ERBB4: variants seen among roughly 807,000 people sequenced by gnomAD.
ERBB4 encodes receptor tyrosine-protein kinase erbB-4.
Under a neutral mutation model 158.0 loss-of-function variants are expected in ERBB4, and 42 were observed. The ratio of observed to expected loss-of-function variants is 0.27; its 90% CI spans 0.21 to 0.34. ERBB4 has a LOEUF of 0.34. Ranked by LOEUF, ERBB4 falls within the 10% of genes least tolerant of loss-of-function variation. ERBB4 has a pLI of 1.00. For missense variants in ERBB4, 1,333 were observed against 1,624.1 expected (o/e 0.82, Z 3.08); for synonymous variants, 583 against 558.7 (o/e 1.04, Z -0.61).
At chr2:211,577,920 T>A (rs2067942104) in intron 19 of ERBB4, among the ~76,000 whole-genome samples, 1 of 152,160 alleles carries the variant, frequency 6.6e-6, no homozygotes, top group Non-Finnish European at 1.5e-5. Flanking sequence ...ATGCCCTCTC[T>A]CATCATTCCT....
At chr2:211,948,307 G>C (rs1437551107) in intron 2 of ERBB4, among the ~76,000 whole-genome samples, 2 of 151,500 alleles carry the variant, frequency 1.3e-5, no homozygotes, top group African/African-American at 4.9e-5. Flanking sequence ...GTGGTGGCAG[G>C]TGCCTGTAGT....
At chr2:211,645,696 C>A (rs921964588) in intron 16 of ERBB4, among the ~76,000 whole-genome samples, 2 of 151,696 alleles carry the variant, frequency 1.3e-5, no homozygotes, top group Admixed American at 1.3e-4. Context: ...TTGATGGAAC[C>A]TGTCTAATTT....
rs191731704 is a variant in ERBB4 at position 212,112,452 on chromosome 2, T to A, written c.234+12300A>T. On this transcript the variant is annotated intron_variant, in intron 2 of 27. Coordinates refer to ENST00000342788, the MANE Select transcript of ERBB4 (RefSeq NM_005235.3). The stretch of plus-strand genomic sequence containing the variant: ...AGTTCCGAAATTTTTATTTTATTTT[T>A]TTTTTAATGAAAACCTCCCTTCCTT... 6.0e-3 allele frequency among the ~76,000 whole-genome samples: 913 copies of A among 152,204 alleles called. 9 individuals are homozygous for A. Among genetic ancestry groups the A allele is most frequent in the African/African-American group, 0.02 (837 of 41,508 alleles).
At chr2:211,929,251 G>GTGTC (rs200794399) in intron 3 of ERBB4, among the ~76,000 whole-genome samples, 480 of 150,572 alleles carry the variant, frequency 3.2e-3, no homozygotes, top group African/African-American at 0.011. Flanking sequence ...GTGTGTGTGT[G>GTGTC]TGTGTGTGTG....
intron 1 of ERBB4, among the ~76,000 whole-genome samples, chr2:212,331,340 G>C (rs1037247257): frequency 6.6e-6 from 1 of 151,120 alleles, no homozygotes; most frequent in African/African-American, 2.4e-5. Context: ...ATATAAAACC[G>C]AGAATGTCTC....
At chr2:211,870,095 C>G (rs2078306143) in intron 3 of ERBB4, among the ~76,000 whole-genome samples, 1 of 152,106 alleles carries the variant, frequency 6.6e-6, no homozygotes, top group African/African-American at 2.4e-5. Context: ...GTCTACCACT[C>G]TTTTTATAGT....
intron 1 of ERBB4, among the ~76,000 whole-genome samples, chr2:212,271,699 T>C (rs2085350009): frequency 6.6e-6 from 1 of 151,774 alleles, no homozygotes; most frequent in African/African-American, 2.4e-5. Context: ...AGTAGACTTC[T>C]GATAAAAGCC....
At chr2:212,311,480 G>T (rs1361202583) in intron 1 of ERBB4, among the ~76,000 whole-genome samples, 1 of 150,706 alleles carries the variant, frequency 6.6e-6, no homozygotes, top group African/African-American at 2.4e-5. Context: ...GCTGTTGACT[G>T]CCCATTAAAG....
chr2:211,455,452 TTTG>T (rs2125488914), intron 20 of ERBB4, among the ~76,000 whole-genome samples: 2 of 152,278 alleles, frequency 1.3e-5, no homozygotes, highest in South Asian at 4.1e-4. Flanking sequence ...TCAGCTGCCT[TTTG>T]TTTGGTTTTA....
chr2:211,908,738 C>T (rs1374616541), intron 3 of ERBB4, among the ~76,000 whole-genome samples: 1 of 151,578 alleles, frequency 6.6e-6, no homozygotes, highest in African/African-American at 2.4e-5. Flanking sequence ...GCAAATTGTT[C>T]TCACCAATAA....
At chr2:212,166,209 G>C (rs1158774783) in intron 1 of ERBB4, among the ~76,000 whole-genome samples, 1 of 151,940 alleles carries the variant, frequency 6.6e-6, no homozygotes, top group Non-Finnish European at 1.5e-5. Flanking sequence ...GATCAGTTCT[G>C]ATCCATCTTT....
At position 211,382,989 on chromosome 2, in the gene ERBB4, A is replaced by G. The variant is rs1338247716; in HGVS notation, c.*626T>C. 4.7e-5 allele frequency: 11 copies of G among 232,262 alleles called. No homozygotes were observed. The highest frequency in any genetic ancestry group is 7.6e-5 in the Non-Finnish European group (9 of 117,808). The allele number at this position is 232,262 out of a possible 1,614,324, so 14.4% of individuals were successfully genotyped here. A position where few individuals can be genotyped will look rare whatever the true frequency, so the allele number is the denominator to read the frequency against. On this transcript the variant is annotated 3_prime_UTR_variant, in exon 28 of 28. Transcript: ENST00000342788. ...TGAAAAAAACCAAAAAGTGTTGAAA[A>G]CATAATTACTAGTTATAACTTTAAT...
At chr2:211,887,973 C>T (rs1052138598) in intron 3 of ERBB4, among the ~76,000 whole-genome samples, 4 of 152,140 alleles carry the variant, frequency 2.6e-5, no homozygotes, top group African/African-American at 9.7e-5. Context: ...TTAAATTAGG[C>T]TCTCATTAAC....
chr2:211,923,079 T>C (rs555395092), intron 3 of ERBB4, among the ~76,000 whole-genome samples: 150 of 152,254 alleles, frequency 9.9e-4, no homozygotes, highest in African/African-American at 3.3e-3. Context: ...ATTTGGATTT[T>C]TGAGTCTGAG....
intron 14 of ERBB4, among the ~76,000 whole-genome samples, chr2:211,666,084 T>C (rs1256012551): frequency 6.6e-6 from 1 of 152,206 alleles, no homozygotes; most frequent in East Asian, 1.9e-4. Context: ...TTAAAATTTG[T>C]TATGATAACA....
rs1020410161 is a variant in ERBB4, at chr2:212,538,659, C to T, written c.-129G>A. On this transcript the variant is annotated 5_prime_UTR_variant, in exon 1 of 28. Coordinates refer to ENST00000342788, the MANE Select transcript of ERBB4 (RefSeq NM_005235.3). ...GCGAGGGGGGCGGGCGCGGCGCGCG[C>T]GGTGTGGCGACTCCCAGGGCGGGCG... The T allele has an allele frequency of 6.6e-6, 6 of 911,366 alleles. No homozygotes were observed. Among genetic ancestry groups the T allele is most frequent in the Admixed American group, 2.1e-5 (1 of 47,202 alleles). 56.5% of individuals were successfully genotyped at this position (911,366 alleles called of 1,614,324 possible).
At chr2:212,219,942 TTTTATCAACCC>T (rs2083237963) in intron 1 of ERBB4, among the ~76,000 whole-genome samples, 1 of 135,350 alleles carries the variant, frequency 7.4e-6, no homozygotes, top group African/African-American at 2.7e-5. Flanking sequence ...AAAAATGTAT[TTTTATCAACCC>T]GCAAAAAAAA....
chr2:211,853,336 T>C (rs549474024), intron 3 of ERBB4, among the ~76,000 whole-genome samples: 18 of 152,166 alleles, frequency 1.2e-4, no homozygotes, highest in Admixed American at 9.2e-4. Context: ...GAATCCATTC[T>C]CTATGCATTT....
intron 1 of ERBB4, among the ~76,000 whole-genome samples, chr2:212,354,923 C>T (rs921033067): frequency 1.3e-5 from 2 of 151,726 alleles, no homozygotes; most frequent in African/African-American, 4.8e-5. Flanking sequence ...TACAGATACT[C>T]GTGTTAGGCT....
Sources: allele counts gnomAD v4.1 joint callset (sites outside exome capture counted in the v4.1 genomes callset), GRCh38; gene constraint gnomAD v4.1.1; transcripts MANE v1.5; gene names NCBI Gene and HGNC (gene_info 2026-07-23, HGNC 2026-07-21).